The following RIMBP2 variants were observed in gnomAD, a reference collection of about 807,000 sequenced individuals.
RIMBP2 encodes RIMS-binding protein 2.
Under a neutral mutation model 118.6 loss-of-function variants are expected in RIMBP2, and 48 were observed. The observed-to-expected ratio is 0.40, with a 90% CI of 0.32 to 0.51. The LOEUF (loss-of-function observed/expected upper bound fraction) is 0.51. Among genes scored for constraint, RIMBP2 ranks in the 20% least tolerant of loss-of-function variants. The probability of loss-of-function intolerance (pLI) is 0.41; values close to 1 mark genes in which losing one functional copy is unlikely to be tolerated. For missense variants in RIMBP2, 1,551 were observed against 1,768.3 expected, an observed-to-expected ratio of 0.88 and a Z score of 2.20; for synonymous variants, 762 against 742.9, an observed-to-expected ratio of 1.03 and a Z score of -0.42.
chr12:130,638,657 C>T (rs2062461584), intron 1 of RIMBP2, among the ~76,000 whole-genome samples: 1 of 152,048 alleles, frequency 6.6e-6, no homozygotes, highest in African/African-American at 2.4e-5. Context: ...TGAAACCTTT[C>T]CCCCTCCCCA....
intron 1 of RIMBP2, among the ~76,000 whole-genome samples, chr12:130,715,256 G>A (rs980862984): frequency 5.3e-5 from 8 of 152,036 alleles, no homozygotes; most frequent in Non-Finnish European, 8.8e-5. Flanking sequence ...CTCACCCTAA[G>A]AACCTCCAGG....
At chr12:130,608,985 G>A (rs1461447415) in intron 2 of RIMBP2, among the ~76,000 whole-genome samples, 1 of 152,044 alleles carries the variant, frequency 6.6e-6, no homozygotes, top group Non-Finnish European at 1.5e-5. Flanking sequence ...ACTTCTACGA[G>A]ATCAACTTCT....
chr12:130,600,029 G>C (rs1024675680), intron 2 of RIMBP2, among the ~76,000 whole-genome samples: 1 of 152,092 alleles, frequency 6.6e-6, no homozygotes, highest in Non-Finnish European at 1.5e-5. Flanking sequence ...TGCGACCTGG[G>C]AGCCCCCACT....
chr12:130,460,387 A>G (rs1187689127), intron 6 of RIMBP2, among the ~76,000 whole-genome samples: 2 of 152,214 alleles, frequency 1.3e-5, no homozygotes, highest in East Asian at 1.9e-4. Context: ...TAGTATCAGT[A>G]GTACTGGTAT....
rs919948684 is a variant in RIMBP2 at position 130,664,446 on chromosome 12, C to T, written c.-351-35990G>A. Among the ~76,000 whole-genome samples the T allele has an allele frequency of 5.1e-4, 37 of 73,238 alleles. 2 individuals are homozygous for T. The highest frequency in any genetic ancestry group is 7.8e-4 in the Non-Finnish European group (22 of 28,302). 48.0% of individuals were successfully genotyped at this position (73,238 alleles called of 152,430 possible). On this transcript the variant is annotated intron_variant, in intron 1 of 22. Coordinates refer to ENST00000690449, the MANE Select transcript of RIMBP2 (RefSeq NM_001393629.1). ...GCACACACATGCATGCACGCACACA[C>T]GCACACACATGCACGCACACACACG...
intron 1 of RIMBP2, among the ~76,000 whole-genome samples, chr12:130,676,840 T>A (rs2064510736): frequency 6.6e-6 from 1 of 151,124 alleles, no homozygotes; most frequent in Non-Finnish European, 1.5e-5. Context: ...CAGGGACAAG[T>A]GAGGGGCTGC....
chr12:130,701,738 G>A (rs1056445025), intron 1 of RIMBP2, among the ~76,000 whole-genome samples: 5 of 152,042 alleles, frequency 3.3e-5, no homozygotes, highest in African/African-American at 7.3e-5. Flanking sequence ...TTTTCTTCAA[G>A]ATCTTTGGGC....
intron 2 of RIMBP2, among the ~76,000 whole-genome samples, chr12:130,533,363 T>C (rs1236253208): frequency 6.6e-6 from 1 of 152,194 alleles, no homozygotes; most frequent in Non-Finnish European, 1.5e-5. Flanking sequence ...AGATATCTTC[T>C]TACCCCAGTC....
In RIMBP2 at chr12:130,469,329, G is replaced by A. The variant is rs537806169; in HGVS notation, c.153+1364C>T. On this transcript the variant is annotated intron_variant, in intron 6 of 22. Transcript: ENST00000690449. The surrounding 1 kb of genome is among the most constrained non-coding windows in gnomAD (Gnocchi z 4.8). ...GCACCACCAGCAGCACGGGGTGACA[G>A]GTGACAGCGGGATCATGGTGGAGCA... is the stretch of plus-strand genomic sequence containing the variant. 6.6e-6 allele frequency among the ~76,000 whole-genome samples: 1 copy of A among 152,336 alleles called. No individual in the cohort carries two copies. Among genetic ancestry groups the A allele is most frequent in the East Asian group, 1.9e-4 (1 of 5,180 alleles).
At position 130,646,231 on chromosome 12, in the gene RIMBP2, C is replaced by T. The variant is rs868259222; in HGVS notation, c.-351-17775G>A. Among the ~76,000 whole-genome samples the T allele has an allele frequency of 3.7e-4, 20 of 54,304 alleles. 2 individuals carry two copies. The highest frequency in any genetic ancestry group is 6.3e-4 in the African/African-American group (10 of 15,984). The allele number at this position is 54,304 out of a possible 152,430, so 35.6% of individuals were successfully genotyped here. A position where few individuals can be genotyped will look rare whatever the true frequency, so the allele number is the denominator to read the frequency against. ...CCTCCCTCTCCACCTCCCTCACCACCTGCCTCTCCACCTCCCTCACCACTT... is the reference window on the plus strand; with the variant it reads ...CCTCCCTCTCCACCTCCCTCACCACTTGCCTCTCCACCTCCCTCACCACTT... On this transcript the variant is annotated intron_variant, in intron 1 of 22. Coordinates refer to ENST00000690449, the MANE Select transcript of RIMBP2 (RefSeq NM_001393629.1).
intron 1 of RIMBP2, among the ~76,000 whole-genome samples, chr12:130,676,634 G>A (rs11061078): frequency 5.3e-5 from 8 of 150,852 alleles, no homozygotes; most frequent in African/African-American, 2.0e-4. Context: ...AAAAAAAAAA[G>A]AAAAAAGAAA....
chr12:130,515,991 C>T (rs772626654), intron 3 of RIMBP2, among the ~76,000 whole-genome samples: 3 of 152,218 alleles, frequency 2.0e-5, no homozygotes, highest in Non-Finnish European at 2.9e-5. Context: ...AGCCACCACA[C>T]GTGACTGCCT....
At chr12:130,477,010 G>C (rs531139398) in intron 5 of RIMBP2, among the ~76,000 whole-genome samples, 5 of 152,314 alleles carry the variant, frequency 3.3e-5, no homozygotes, top group Non-Finnish European at 7.4e-5. Flanking sequence ...TCAAGAGTCA[G>C]ACTTCCTCTT....
intron 1 of RIMBP2, among the ~76,000 whole-genome samples, chr12:130,641,103 C>T (rs1308331707): frequency 1.3e-5 from 2 of 152,180 alleles, no homozygotes; most frequent in Non-Finnish European, 2.9e-5. Context: ...TAACACGTGC[C>T]TTGGAATGCC....
chr12:130,423,919 T>TG (rs1181438195), intron 16 of RIMBP2, among the ~76,000 whole-genome samples: 1 of 152,118 alleles, frequency 6.6e-6, no homozygotes, highest in Non-Finnish European at 1.5e-5. Flanking sequence ...TTACTGATTC[T>TG]GGGGGGTGGA....
At chr12:130,627,770 A>G (rs1225225291) in intron 2 of RIMBP2, among the ~76,000 whole-genome samples, 1 of 152,024 alleles carries the variant, frequency 6.6e-6, no homozygotes, top group Non-Finnish European at 1.5e-5. Flanking sequence ...GCCCCAATAT[A>G]TCCGGGACCT....
At chr12:130,534,792 G>A (rs1172446496) in intron 2 of RIMBP2, among the ~76,000 whole-genome samples, 5 of 152,298 alleles carry the variant, frequency 3.3e-5, no homozygotes, top group Non-Finnish European at 5.9e-5. Context: ...TAGGAGTTAC[G>A]TCTAAGCAAA....
At chr12:130,609,853 G>C (rs2060404269) in intron 2 of RIMBP2, among the ~76,000 whole-genome samples, 1 of 152,128 alleles carries the variant, frequency 6.6e-6, no homozygotes, top group African/African-American at 2.4e-5. Context: ...TCTGCGGGCA[G>C]GACAGACGGA....
intron 1 of RIMBP2, among the ~76,000 whole-genome samples, chr12:130,664,411 GCACACA>G (rs755474700): frequency 2.3e-4 from 20 of 87,406 alleles, no homozygotes; most frequent in South Asian, 1.2e-3. Context: ...ACGCACGCAC[GCACACA>G]CACGCACACA....
Sources: gnomAD v4.1 joint callset for allele counts (sites outside exome capture counted in the v4.1 genomes callset) on GRCh38, gnomAD v4.1.1 for gene constraint, Gnocchi (gnomAD v3.1) non-coding constraint, MANE v1.5 for transcripts, NCBI Gene and HGNC (gene_info 2026-07-23, HGNC 2026-07-21) for gene names.